The following RAB11FIP4 variants were observed in gnomAD, a reference collection of about 807,000 sequenced individuals.
The protein encoded by RAB11FIP4 is RAB11 family interacting protein 4, also known as rab11 family-interacting protein 4.
In RAB11FIP4, 23 loss-of-function variants were observed where a neutral mutation model predicts 74.3. That is an observed-to-expected ratio of 0.31 (90% CI 0.22 to 0.44). The LOEUF is 0.44. Among genes scored for constraint, RAB11FIP4 ranks in the 20% least tolerant of loss-of-function variants. The probability of loss-of-function intolerance (pLI) is 1.00; values close to 1 mark genes in which losing one functional copy is unlikely to be tolerated. For missense variants in RAB11FIP4, 630 were observed against 863.9 expected, an observed-to-expected ratio of 0.73 and a Z score of 3.39; for synonymous variants, 360 against 359.9, an observed-to-expected ratio of 1.00 and a Z score of 0.00.
intron 1 of RAB11FIP4, 44 bp downstream of exon 1, chr17:31,392,055 A>ACCCC: frequency 9.2e-7 from 1 of 1,088,390 alleles, no homozygotes; most frequent in Non-Finnish European, 1.1e-6. Context: ...ACCCCAGCCC[A>ACCCC]GCCCCGCCGC....
At chr17:31,528,810 C>A (rs774115250) in intron 13 of RAB11FIP4, 32 bp downstream of exon 13, 1 of 1,587,036 alleles carries the variant, frequency 6.3e-7, no homozygotes, top group Non-Finnish European at 8.6e-7. Context: ...TCCAGTGGGG[C>A]AGGGTGGCCG....
intron 1 of RAB11FIP4, among the ~76,000 whole-genome samples, chr17:31,403,785 A>T (rs1226924853): frequency 6.6e-6 from 1 of 152,098 alleles, no homozygotes; most frequent in African/African-American, 2.4e-5. Flanking sequence ...TGGGGGTCTC[A>T]TGTTCTTAGA....
rs1329072173 is a variant in RAB11FIP4, at chr17:31,512,923, C to T, written c.337-4728C>T. ...CTTGGAAGCTGCCCTGGGCACAGAC[C>T]TTACTTGCTGACCCCGGCCACCTAG... On this transcript the variant is annotated intron_variant, in intron 3 of 14. Transcript: ENST00000621161. This position sits in a 1 kb window ranked among gnomAD's most constrained non-coding sequence, Gnocchi z 4.1. Among the ~76,000 whole-genome samples the T allele has an allele frequency of 6.6e-6, 1 of 152,114 alleles. No individual in the cohort carries two copies. Among genetic ancestry groups the T allele is most frequent in the Non-Finnish European group, 1.5e-5 (1 of 68,000 alleles).
intron 3 of RAB11FIP4, among the ~76,000 whole-genome samples, chr17:31,474,661 T>A (rs1597938839): frequency 9.9e-6 from 1 of 100,802 alleles, no homozygotes; most frequent in African/African-American, 4.2e-5. Flanking sequence ...AGAGCTAGAC[T>A]CCATCTCAAA....
rs201985544 is a variant in RAB11FIP4 at position 31,517,719 on chromosome 17, C to T, written c.405C>T (p.Pro135=). ...ELIPREPGFF[P]EDEEEAMTLA... The stretch of plus-strand genomic sequence containing the variant: ...TCCCCAGGGAACCCGGCTTTTTTCC[C>T]GAGGACGAGGAGGAGGCTATGACGC... The change falls in exon 4 of 15, where the codon CCC becomes CCT. Residue 135 remains proline, a synonymous_variant. Transcript: ENST00000621161. 1.9e-6 allele frequency: 3 copies of T among 1,603,024 alleles called. No individual in the cohort carries two copies. The highest frequency in any genetic ancestry group is 2.6e-6 in the Non-Finnish European group (3 of 1,175,454).
At chr17:31,482,863 G>T (rs2071862915) in intron 3 of RAB11FIP4, among the ~76,000 whole-genome samples, 1 of 152,086 alleles carries the variant, frequency 6.6e-6, no homozygotes, top group Admixed American at 6.5e-5. Context: ...CAGCTGCCAG[G>T]GGGGCTTTTC....
intron 1 of RAB11FIP4, among the ~76,000 whole-genome samples, chr17:31,394,338 T>G (rs2070906962): frequency 6.6e-6 from 1 of 152,186 alleles, no homozygotes; most frequent in South Asian, 2.1e-4. Context: ...TGATCATGAC[T>G]TTTCTGCTTC....
chr17:31,440,597 C>T (rs1940286116), intron 3 of RAB11FIP4, among the ~76,000 whole-genome samples: 1 of 152,082 alleles, frequency 6.6e-6, no homozygotes, highest in African/African-American at 2.4e-5. Flanking sequence ...GGTGAAACCC[C>T]ATCTCTACTA....
intron 3 of RAB11FIP4, among the ~76,000 whole-genome samples, chr17:31,475,699 A>C (rs564775931): frequency 3.7e-4 from 57 of 152,304 alleles, no homozygotes; most frequent in African/African-American, 1.1e-3. Context: ...AGCTGAGGTC[A>C]AACAAGGCGA....
chr17:31,496,776 A>G (rs1454628226), intron 3 of RAB11FIP4, among the ~76,000 whole-genome samples: 1 of 152,210 alleles, frequency 6.6e-6, no homozygotes, highest in Non-Finnish European at 1.5e-5. Context: ...TGGTACCATC[A>G]GCGTTGCTAA....
chr17:31,511,992 G>A lies in RAB11FIP4; in HGVS notation c.337-5659G>A, dbSNP rs143978031. Among the ~76,000 whole-genome samples the A allele has an allele frequency of 1.1e-3, 172 of 152,266 alleles. 3 individuals are homozygous for A. The East Asian group carries it at 0.032, about 28-fold the overall frequency. ...GGGACAGCGAGGTAGGGGTGCAGGG[G>A]ATGCAGACCTGCCCTGCCAGAGTGG... On this transcript the variant is annotated intron_variant, in intron 3 of 14. Coordinates refer to ENST00000621161, the MANE Select transcript of RAB11FIP4 (RefSeq NM_032932.6).
chr17:31,503,742 A>C (rs979079763), intron 3 of RAB11FIP4, among the ~76,000 whole-genome samples: 1 of 149,732 alleles, frequency 6.7e-6, no homozygotes, highest in Non-Finnish European at 1.5e-5. Flanking sequence ...TCATCCTTGA[A>C]GCTCATGTTG....
rs1258255707 is a variant in RAB11FIP4, at chr17:31,536,207, A to C, written c.*4475A>C. ...TTAGCAAATTTAAACTTAAAAACTA[A>C]CTCTAGGCCGGGCACGGTGGCTCAC... On this transcript the variant is annotated 3_prime_UTR_variant, in exon 15 of 15. Coordinates refer to ENST00000621161, the MANE Select transcript of RAB11FIP4 (RefSeq NM_032932.6). The C allele has an allele frequency of 1.3e-5, 2 of 151,986 alleles. No individual in the cohort carries two copies. The highest frequency in any genetic ancestry group is 4.8e-5 in the African/African-American group (2 of 41,326). 9.4% of individuals were successfully genotyped at this position (151,986 alleles called of 1,614,324 possible). A position where few individuals can be genotyped will look rare whatever the true frequency, so the allele number is the denominator to read the frequency against.
Position 31,437,897 on chromosome 17 carries a change from G to C in RAB11FIP4, c.336+3775G>C, listed in dbSNP as rs577047590. On this transcript the variant is annotated intron_variant, in intron 3 of 14. Coordinates refer to ENST00000621161, the MANE Select transcript of RAB11FIP4 (RefSeq NM_032932.6). ...GTCTATCCCGGGCAGTTGATGCCTG[G>C]ATGCACCAGTTCCTGACCTTACTGG... 1.1e-4 allele frequency among the ~76,000 whole-genome samples: 16 copies of C among 152,242 alleles called. No individual in the cohort carries two copies. The South Asian group carries it at 3.3e-3, about 32-fold the overall frequency.
At chr17:31,475,205 C>T (rs940160800) in intron 3 of RAB11FIP4, among the ~76,000 whole-genome samples, 3 of 151,950 alleles carry the variant, frequency 2.0e-5, no homozygotes, top group African/African-American at 7.3e-5. Context: ...GTGTGTAGAG[C>T]TGGTGGGGAG....
intron 3 of RAB11FIP4, among the ~76,000 whole-genome samples, chr17:31,507,695 G>A (rs1221376085): frequency 6.6e-6 from 1 of 151,976 alleles, no homozygotes; most frequent in African/African-American, 2.4e-5. Context: ...GTCTCACCAT[G>A]TTGCCCAGGT....
intron 3 of RAB11FIP4, among the ~76,000 whole-genome samples, chr17:31,483,642 A>C (rs1281848071): frequency 6.6e-6 from 1 of 152,178 alleles, no homozygotes; most frequent in Non-Finnish European, 1.5e-5. Flanking sequence ...ACTCAGTTTG[A>C]GAACAACTTG....
Position 31,488,392 on chromosome 17 carries a change from C to T in RAB11FIP4, c.337-29259C>T, listed in dbSNP as rs949424935. Reference sequence around the variant, plus strand: ...GACTTGGCCTGGGAGGTCGTGTTACCTGAGCCATCTCGTTCGGCCGCGAGT... The same window carrying T: ...GACTTGGCCTGGGAGGTCGTGTTACTTGAGCCATCTCGTTCGGCCGCGAGT... On this transcript the variant is annotated intron_variant, in intron 3 of 14. Transcript: ENST00000621161. The T allele has an allele frequency of 1.9e-5, 20 of 1,033,926 alleles. No individual in the cohort carries two copies. In the Admixed American group the frequency reaches 1.1e-3, roughly 56 times the overall value. 64.0% of individuals were successfully genotyped at this position (1,033,926 alleles called of 1,614,324 possible). A position where few individuals can be genotyped will look rare whatever the true frequency, so the allele number is the denominator to read the frequency against.
At chr17:31,517,208 G>GGGGGGGGGGGGGGGGGGA (rs2072573007) in intron 3 of RAB11FIP4, among the ~76,000 whole-genome samples, 1 of 121,564 alleles carries the variant, frequency 8.2e-6, no homozygotes, top group Non-Finnish European at 1.8e-5. Context: ...GGGGGCGGTG[G>GGGGGGGGGGGGGGGGGGA]GGGGGGCGGG....
Sources: gnomAD v4.1 joint callset for allele counts (sites outside exome capture counted in the v4.1 genomes callset) on GRCh38, gnomAD v4.1.1 for gene constraint, Gnocchi (gnomAD v3.1) non-coding constraint, MANE v1.5 for transcripts, NCBI Gene and HGNC (gene_info 2026-07-23, HGNC 2026-07-21) for gene names.